PGM1: variants seen among roughly 807,000 people sequenced by gnomAD.
PGM1 encodes phosphoglucomutase-1.
Under a neutral mutation model 55.6 loss-of-function variants are expected in PGM1, and 52 were observed. That is an observed-to-expected ratio of 0.94 (90% confidence interval 0.75 to 1.18). The LOEUF (loss-of-function observed/expected upper bound fraction) is 1.18. Among genes scored for constraint, PGM1 ranks in the 50% most tolerant of loss-of-function variants. PGM1 has a pLI of 0.00. For synonymous variants in PGM1, 287 were observed against 271.7 expected, an observed-to-expected ratio of 1.06 and a Z score of -0.55; for missense variants, 724 against 729.3, an observed-to-expected ratio of 0.99 and a Z score of 0.08.
intron 3 of PGM1, among the ~76,000 whole-genome samples, chr1:63,631,211 G>A (rs567547400): frequency 2.6e-5 from 4 of 152,156 alleles, no homozygotes; most frequent in Non-Finnish European, 5.9e-5. Flanking sequence ...ATTAAGTCTT[G>A]ATGACAATGG....
chr1:63,618,738 G>A (rs542327751), intron 1 of PGM1, among the ~76,000 whole-genome samples: 2 of 152,268 alleles, frequency 1.3e-5, no homozygotes, highest in African/African-American at 4.8e-5. Flanking sequence ...TCGGCCAAGG[G>A]TCTGGATGTG....
At chr1:63,611,126 C>A (rs1410158297) in intron 1 of PGM1, among the ~76,000 whole-genome samples, 1 of 152,094 alleles carries the variant, frequency 6.6e-6, no homozygotes, top group Non-Finnish European at 1.5e-5. Context: ...ACGGTCTCCG[C>A]AAGTGGGCAT....
At chr1:63,638,477 T>C (rs1448352806) in intron 6 of PGM1, among the ~76,000 whole-genome samples, 1 of 152,224 alleles carries the variant, frequency 6.6e-6, no homozygotes, top group Non-Finnish European at 1.5e-5. Context: ...ATTAATTCTT[T>C]CTTCTTCCGC....
At chr1:63,625,717 A>AT (rs993822804) in intron 1 of PGM1, among the ~76,000 whole-genome samples, 1 of 151,832 alleles carries the variant, frequency 6.6e-6, no homozygotes, top group Non-Finnish European at 1.5e-5. Context: ...AGATCATTTT[A>AT]TTTTTTTTCC....
rs1281757400 is a variant in PGM1, at chr1:63,647,354, A to C, written c.1145-1163A>C. Reference sequence around the variant, plus strand: ...GTGCTATCCACTTTTAAACAACCAGATCTCTTTAATTTTTTAAAGTTTGTC... The same window carrying C: ...GTGCTATCCACTTTTAAACAACCAGCTCTCTTTAATTTTTTAAAGTTTGTC... On this transcript the variant is annotated intron_variant, in intron 7 of 10. Transcript: ENST00000371084. Among the ~76,000 whole-genome samples the C allele has an allele frequency of 3.6e-5, 5 of 140,692 alleles. No individual in the cohort carries two copies. The South Asian group carries it at 1.2e-3, about 33-fold the overall frequency. The allele number at this position is 140,692 out of a possible 152,430, so 92.3% of individuals were successfully genotyped here.
In PGM1 at chr1:63,623,553, C is replaced by T. The variant is rs755152652; in HGVS notation, c.247-5872C>T. The T allele has an allele frequency of 5.1e-5, 83 of 1,612,552 alleles. No individual in the cohort carries two copies. Among genetic ancestry groups the T allele is most frequent in the Admixed American group, 3.3e-4 (20 of 59,986 alleles). On this transcript the variant is annotated intron_variant, in intron 1 of 10. Transcript: ENST00000371084. The stretch of plus-strand genomic sequence containing the variant: ...TGACTTTTGCTACAGCTCCCTACCA[C>T]GATCAGAAACCAGGAACAAGTGGAT...
intron 1 of PGM1, chr1:63,623,588 A>G (rs1259022933): frequency 2.5e-6 from 4 of 1,612,760 alleles, no homozygotes; most frequent in Non-Finnish European, 3.4e-6. Context: ...TTACGGAAGA[A>G]AACCTATTAT....
intron 1 of PGM1, among the ~76,000 whole-genome samples, chr1:63,595,794 AT>A (rs1648047743): frequency 2.0e-5 from 3 of 152,130 alleles, no homozygotes; most frequent in Admixed American, 2.0e-4. Context: ...CCAGATGGAA[AT>A]TTGTCCATTT....
chr1:63,630,544 G>A (rs1243384861), intron 3 of PGM1, among the ~76,000 whole-genome samples: 1 of 152,194 alleles, frequency 6.6e-6, no homozygotes, highest in Non-Finnish European at 1.5e-5. Flanking sequence ...CACAGTCAGT[G>A]AATGGCAAAA....
chr1:63,602,099 C>T (rs1171693055), intron 1 of PGM1, among the ~76,000 whole-genome samples: 3 of 152,150 alleles, frequency 2.0e-5, no homozygotes, highest in Non-Finnish European at 4.4e-5. Context: ...CTCCAGTCTT[C>T]TGATATTTCA....
intron 9 of PGM1, 132 bp downstream of exon 9, chr1:63,651,984 T>TA (rs1176754678): frequency 3.6e-6 from 3 of 844,522 alleles, no homozygotes; most frequent in Non-Finnish European, 5.8e-6. Flanking sequence ...TAGCTGTTCT[T>TA]ACCTGGTTTT....
At chr1:63,648,845 G>T (rs543386169) in intron 8 of PGM1, among the ~76,000 whole-genome samples, 193 bp downstream of exon 8, 1 of 152,338 alleles carries the variant, frequency 6.6e-6, no homozygotes, top group East Asian at 1.9e-4. Flanking sequence ...CATAAAGAGT[G>T]AGGCTTTAAA....
chr1:63,598,895 C>T (rs899153543), intron 1 of PGM1, among the ~76,000 whole-genome samples: 3 of 152,206 alleles, frequency 2.0e-5, no homozygotes, highest in African/African-American at 7.2e-5. Context: ...TTGCAAACTT[C>T]GCCTTATAGT....
At chr1:63,617,917 A>C (rs1230422626) in intron 1 of PGM1, among the ~76,000 whole-genome samples, 2 of 151,760 alleles carry the variant, frequency 1.3e-5, no homozygotes, top group African/African-American at 4.8e-5. Context: ...AGCACCTATG[A>C]ATATTTCAAA....
chr1:63,651,448 A>G, intron 8 of PGM1: 1 of 545,168 alleles, frequency 1.8e-6, no homozygotes, highest in Non-Finnish European at 3.3e-6. Flanking sequence ...CTGCTTATTC[A>G]GAAGCTCATA....
At chr1:63,643,593 T>C (rs2269240) in intron 7 of PGM1, among the ~76,000 whole-genome samples, 32,786 of 152,104 alleles carry the variant, frequency 0.22, 3,832 homozygotes, top group Admixed American at 0.34. Flanking sequence ...CCTTTCCAAG[T>C]GAAGTTGTTT....
intron 10 of PGM1, among the ~76,000 whole-genome samples, chr1:63,655,140 CT>C (rs61138702): frequency 0.048 from 6,884 of 142,790 alleles, 498 homozygotes; most frequent in African/African-American, 0.16. Context: ...TGCTCATTTC[CT>C]TTTTTTTTTT....
rs1236689496 is a variant in PGM1 at position 63,593,496 on chromosome 1, A to C, written c.8A>C (p.Lys3Thr). The C allele has an allele frequency of 6.2e-7, 1 of 1,613,570 alleles. No homozygotes were observed. ...CGGCAGCAAGTCGCCACCATGGTGA[A>C]GATCGTGACAGTTAAGACCCAGGCG... is the stretch of plus-strand genomic sequence containing the variant. The part of the protein sequence containing the change: MV[K>T]IVTVKTQAYQ... Residue 3 changes from lysine (K) to threonine (T), a missense_variant, in exon 1 of 11, where the codon AAG (lysine) becomes ACG (threonine). By Grantham distance (78) the Lys-to-Thr change is moderately conservative. Around this residue, in one of 3 missense-constraint regions of PGM1, gnomAD observed 379 missense variants for 357.5 expected, o/e 1.06. Coordinates refer to ENST00000371084, the MANE Select transcript of PGM1 (RefSeq NM_002633.3).
chr1:63,659,610 A>G lies in PGM1; in HGVS notation c.1624A>G (p.Ile542Val), dbSNP rs768094055. 3.1e-6 allele frequency: 5 copies of G among 1,613,918 alleles called. No individual in the cohort carries two copies. The highest frequency in any genetic ancestry group is 4.2e-6 in the Non-Finnish European group (5 of 1,179,966). The change falls in exon 11 of 11, where the codon ATT becomes GTT. Residue 542 changes from isoleucine to valine, a missense_variant. Coordinates refer to ENST00000371084, the MANE Select transcript of PGM1 (RefSeq NM_002633.3). Reference protein sequence around the residue: ...PQVMLAPLISIALKVSQLQER... With the variant: ...PQVMLAPLISVALKVSQLQER... ...GGTCATGTTGGCCCCCCTTATTTCC[A>G]TTGCTCTGAAAGTGTCCCAGCTGCA...
Sources: allele counts gnomAD v4.1 joint callset (sites outside exome capture counted in the v4.1 genomes callset), GRCh38; gene constraint gnomAD v4.1.1; regional missense constraint gnomAD v4.1.1; transcripts MANE v1.5; gene names NCBI Gene and HGNC (gene_info 2026-07-23, HGNC 2026-07-21).